The following NRP1 variants were observed in gnomAD, a reference collection of about 807,000 sequenced individuals.
NRP1 encodes the protein neuropilin-1.
NRP1 carries 35 observed loss-of-function variants against 106.7 expected under a neutral mutation model. The ratio of observed to expected loss-of-function variants is 0.33; its 90% CI spans 0.25 to 0.43. The LOEUF (loss-of-function observed/expected upper bound fraction) is 0.43. Ranked by LOEUF, NRP1 falls within the 20% of genes least tolerant of loss-of-function variation. The probability of loss-of-function intolerance (pLI) is 1.00; values close to 1 mark genes in which losing one functional copy is unlikely to be tolerated. For synonymous variants in NRP1, 437 were observed against 417.9 expected (o/e 1.05, Z -0.56); for missense variants, 1,024 against 1,170.4 (o/e 0.87, Z 1.83).
intron 1 of NRP1, among the ~76,000 whole-genome samples, chr10:33,331,872 C>T (rs147657451): frequency 1.2e-4 from 18 of 152,204 alleles, no homozygotes; most frequent in African/African-American, 4.3e-4. Flanking sequence ...AATAAAAATT[C>T]GGTGCATAAA....
chr10:33,265,045 G>T (rs1269861526), intron 3 of NRP1, among the ~76,000 whole-genome samples: 1 of 151,330 alleles, frequency 6.6e-6, no homozygotes, highest in Non-Finnish European at 1.5e-5. Flanking sequence ...GGGAGGCAGA[G>T]GTTGCAGTGA....
intron 6 of NRP1, among the ~76,000 whole-genome samples, chr10:33,250,494 A>C (rs1050497196): frequency 6.6e-6 from 1 of 152,216 alleles, no homozygotes; most frequent in African/African-American, 2.4e-5. Flanking sequence ...TAGGCTTAGA[A>C]ATAGGAAGCA....
chr10:33,258,048 T>C lies in NRP1; in HGVS notation c.659-1577A>G, dbSNP rs145954491. ...GTGTTTCAAGGCCAGTGTGTGCAGT[T>C]TGGATGCAGGATGCGGCTGATGAAG... is the stretch of plus-strand genomic sequence containing the variant. On this transcript the variant is annotated intron_variant, in intron 4 of 16. Coordinates refer to ENST00000374867, the MANE Select transcript of NRP1 (RefSeq NM_003873.7). Among the ~76,000 whole-genome samples, 1,119 of 152,180 alleles carry C rather than the reference T, an allele frequency of 7.4e-3. 7 individuals are homozygous for C. The highest frequency in any genetic ancestry group is 0.01 in the Non-Finnish European group (697 of 68,006).
intron 8 of NRP1, among the ~76,000 whole-genome samples, chr10:33,214,536 G>A (rs565618929): frequency 6.6e-6 from 1 of 152,246 alleles, no homozygotes; most frequent in African/African-American, 2.4e-5. Flanking sequence ...GATTTATCCT[G>A]ATCCGAGCGC....
intron 6 of NRP1, among the ~76,000 whole-genome samples, chr10:33,230,146 C>T (rs540155715): frequency 6.6e-6 from 1 of 152,296 alleles, no homozygotes; most frequent in Admixed American, 6.5e-5. Flanking sequence ...CGAGTCCTTT[C>T]TCTTAATGCC....
intron 6 of NRP1, among the ~76,000 whole-genome samples, chr10:33,245,028 A>C (rs1300330336): frequency 1.3e-5 from 2 of 152,254 alleles, no homozygotes; most frequent in African/African-American, 4.8e-5. Context: ...GCCTAAGATA[A>C]ATAAGCAGGA....
At chr10:33,186,619 GA>G (rs773429052) in intron 13 of NRP1, 131 bp from the exon 14 acceptor site, 24 of 1,079,188 alleles carry the variant, frequency 2.2e-5, no homozygotes, top group Non-Finnish European at 3.0e-5. Context: ...AGTGGAAAGG[GA>G]TAAGTGTGCA....
intron 5 of NRP1, among the ~76,000 whole-genome samples, chr10:33,254,574 T>C (rs1417686228): frequency 1.3e-5 from 2 of 152,166 alleles, no homozygotes; most frequent in Non-Finnish European, 2.9e-5. Context: ...TTGTATTAAA[T>C]TATTTCTTTT....
At position 33,274,954 on chromosome 10, in the gene NRP1, T is replaced by C. The variant is rs79962947; in HGVS notation, c.249-4098A>G. On this transcript the variant is annotated intron_variant, in intron 2 of 16. Transcript: ENST00000374867. ...TAATAGCTATTCAAACTGAACAACC[T>C]GTAAACGATCGCTGTGCTGCCGTCC... Among the ~76,000 whole-genome samples the C allele has an allele frequency of 6.7e-3, 1,024 of 152,344 alleles. 8 individuals carry two copies. The highest frequency in any genetic ancestry group is 0.023 in the African/African-American group (970 of 41,592).
At chr10:33,241,963 T>C (rs1412331846) in intron 6 of NRP1, among the ~76,000 whole-genome samples, 1 of 152,204 alleles carries the variant, frequency 6.6e-6, no homozygotes, top group African/African-American at 2.4e-5. Flanking sequence ...ATATTCGAAA[T>C]CTAGACACTT....
chr10:33,227,738 G>A (rs1421321283), intron 6 of NRP1, among the ~76,000 whole-genome samples: 3 of 152,116 alleles, frequency 2.0e-5, no homozygotes, highest in Non-Finnish European at 2.9e-5. Flanking sequence ...CTGAAATCTC[G>A]AGGGTCTGTG....
chr10:33,234,909 G>C (rs903923086), intron 6 of NRP1, among the ~76,000 whole-genome samples: 6 of 152,188 alleles, frequency 3.9e-5, no homozygotes, highest in Non-Finnish European at 7.3e-5. Flanking sequence ...CAGCACAGGG[G>C]CAGTGGAAGG....
chr10:33,201,321 G>A (rs1837286730), intron 11 of NRP1: 1 of 152,178 alleles, frequency 6.6e-6, no homozygotes, highest in Non-Finnish European at 1.5e-5. Flanking sequence ...CTGAGGCTTT[G>A]TTTCTAATCA....
intron 6 of NRP1, among the ~76,000 whole-genome samples, chr10:33,249,084 G>GTCTTTTT (rs1841642328): frequency 1.4e-5 from 1 of 72,198 alleles, no homozygotes; most frequent in Non-Finnish European, 2.5e-5. Context: ...TATGTCTCTT[G>GTCTTTTT]TTTTTTTTTT....
chr10:33,277,993 C>T lies in NRP1; in HGVS notation c.249-7137G>A, dbSNP rs951181132. On this transcript the variant is annotated intron_variant, in intron 2 of 16. Transcript: ENST00000374867. Reference sequence around the variant, plus strand: ...CTTTTTGTGACACTTCCTAAAACTCCGTTTTTCTTACTTCTTGTAGTCCTT... The same window carrying T: ...CTTTTTGTGACACTTCCTAAAACTCTGTTTTTCTTACTTCTTGTAGTCCTT... Among the ~76,000 whole-genome samples, 6 of 152,218 alleles carry T rather than the reference C, an allele frequency of 3.9e-5. No individual in the cohort carries two copies. In the East Asian group the frequency reaches 7.7e-4, roughly 20 times the overall value.
intron 11 of NRP1, chr10:33,202,646 T>A (rs1389290152): frequency 2.0e-6 from 3 of 1,535,212 alleles, no homozygotes; most frequent in Non-Finnish European, 2.6e-6. Flanking sequence ...TCAATTAAGA[T>A]AATCCTAGCC....
intron 5 of NRP1, among the ~76,000 whole-genome samples, chr10:33,255,898 C>A (rs1842163556): frequency 6.6e-6 from 1 of 152,166 alleles, no homozygotes; most frequent in Non-Finnish European, 1.5e-5. Context: ...ACAACCAAAC[C>A]ACTGTGCATT....
In NRP1 at chr10:33,256,183, A is replaced by G. The variant is rs1009005460; in HGVS notation, c.814+133T>C. 4.8e-6 allele frequency: 4 copies of G among 832,090 alleles called. No individual in the cohort carries two copies. In the African/African-American group the frequency reaches 6.8e-5, roughly 14 times the overall value. The allele number at this position is 832,090 out of a possible 1,614,324, so 51.5% of individuals were successfully genotyped here. A position where few individuals can be genotyped will look rare whatever the true frequency, so the allele number is the denominator to read the frequency against. On this transcript the variant is annotated intron_variant, in intron 5 of 16. Coordinates refer to ENST00000374867, the MANE Select transcript of NRP1 (RefSeq NM_003873.7). ...TATTGATACTCATAAAAAAACATTT[A>G]GAAGAGAAAAACAGACAGCTGGCAC...
intron 2 of NRP1, among the ~76,000 whole-genome samples, chr10:33,276,424 G>C (rs1026397965): frequency 6.6e-6 from 1 of 152,068 alleles, no homozygotes; most frequent in South Asian, 2.1e-4. Context: ...TTTCTGAAAG[G>C]CTGGCAAGAA....
Sources: allele counts gnomAD v4.1 joint callset (sites outside exome capture counted in the v4.1 genomes callset), GRCh38; gene constraint gnomAD v4.1.1; transcripts MANE v1.5; gene names NCBI Gene and HGNC (gene_info 2026-07-23, HGNC 2026-07-21).